EPHA4: variants seen among roughly 807,000 people sequenced by gnomAD.
EPHA4 encodes EPH receptor A4.
A neutral mutation model predicts 108.3 loss-of-function variants in EPHA4; 19 were observed. The observed-to-expected ratio is 0.18, with a 90% CI of 0.12 to 0.26. The LOEUF (loss-of-function observed/expected upper bound fraction) is 0.26. EPHA4 is among the 10% of genes least tolerant of loss of function. The pLI is 1.00. For missense variants in EPHA4, 917 were observed against 1,254.0 expected (o/e 0.73, Z 4.06); for synonymous variants, 449 against 455.5 (o/e 0.99, Z 0.18).
intron 3 of EPHA4, among the ~76,000 whole-genome samples, chr2:221,559,495 G>C (rs1694394596): frequency 6.6e-6 from 1 of 152,026 alleles, no homozygotes; most frequent in South Asian, 2.1e-4. Flanking sequence ...ATCACTTGAG[G>C]CCAGGAGTTC....
intron 5 of EPHA4, among the ~76,000 whole-genome samples, chr2:221,471,807 A>G (rs1014744992): frequency 6.6e-6 from 1 of 152,200 alleles, no homozygotes; most frequent in East Asian, 1.9e-4. Flanking sequence ...TCCACTGTTC[A>G]TGGCTACAAA....
At chr2:221,479,874 A>G (rs1032838330) in intron 5 of EPHA4, among the ~76,000 whole-genome samples, 2 of 152,092 alleles carry the variant, frequency 1.3e-5, no homozygotes, top group Admixed American at 1.3e-4. Flanking sequence ...TCCCAGCATT[A>G]CCCTTCATGA....
chr2:221,466,305 T>C (rs928271153), intron 5 of EPHA4, among the ~76,000 whole-genome samples: 3 of 152,230 alleles, frequency 2.0e-5, no homozygotes, highest in African/African-American at 7.2e-5. Flanking sequence ...CACTGAATTA[T>C]TAACTGCTTA....
intron 3 of EPHA4, among the ~76,000 whole-genome samples, chr2:221,529,240 T>C (rs563630289): frequency 5.9e-5 from 9 of 152,274 alleles, no homozygotes; most frequent in Non-Finnish European, 1.2e-4. Flanking sequence ...AAATTCCAGG[T>C]CTCCACAGGA....
intron 3 of EPHA4, chr2:221,501,375 A>G (rs1159787063): frequency 2.3e-6 from 1 of 438,626 alleles, no homozygotes; most frequent in African/African-American, 2.0e-5. Flanking sequence ...ATTCCTGGTC[A>G]GGTGTCAAGA....
chr2:221,534,643 G>A (rs554024119), intron 3 of EPHA4, among the ~76,000 whole-genome samples: 3 of 152,272 alleles, frequency 2.0e-5, no homozygotes, highest in South Asian at 4.1e-4. Context: ...TGTTAGCTCT[G>A]TCTAAAAGTC....
intron 4 of EPHA4, among the ~76,000 whole-genome samples, chr2:221,488,321 C>T (rs1692036606): frequency 6.6e-6 from 1 of 152,160 alleles, no homozygotes; most frequent in African/African-American, 2.4e-5. Flanking sequence ...ATCTAAAAAG[C>T]TCAGTCCAGG....
chr2:221,568,150 A>T (rs1694724942), intron 2 of EPHA4, among the ~76,000 whole-genome samples: 1 of 152,178 alleles, frequency 6.6e-6, no homozygotes, highest in South Asian at 2.1e-4. Flanking sequence ...TAAACTTTTC[A>T]TATTTAGCAC....
chr2:221,522,428 C>A (rs932262420), intron 3 of EPHA4, among the ~76,000 whole-genome samples: 11 of 152,128 alleles, frequency 7.2e-5, no homozygotes, highest in Non-Finnish European at 1.6e-4. Flanking sequence ...CACAATTAAT[C>A]AAAACTTAGC....
chr2:221,457,432 T>A (rs1230755596), intron 6 of EPHA4, among the ~76,000 whole-genome samples: 1 of 152,218 alleles, frequency 6.6e-6, no homozygotes, highest in Non-Finnish European at 1.5e-5. Flanking sequence ...TGAATAGCAG[T>A]GATCTACTTA....
intron 8 of EPHA4, among the ~76,000 whole-genome samples, chr2:221,447,567 C>G (rs1192824822): frequency 6.6e-6 from 1 of 152,176 alleles, no homozygotes; most frequent in Non-Finnish European, 1.5e-5. Context: ...CAATCAGACC[C>G]TCAGAGCCTA....
At chr2:221,439,541 A>G (rs62180566) in intron 11 of EPHA4, among the ~76,000 whole-genome samples, 37,762 of 151,028 alleles carry the variant, frequency 0.25, 4,818 homozygotes, top group African/African-American at 0.31. Flanking sequence ...AAGCTAGAGT[A>G]CAGTGACATG....
chr2:221,469,604 T>G (rs1691415022), intron 5 of EPHA4, among the ~76,000 whole-genome samples: 1 of 152,198 alleles, frequency 6.6e-6, no homozygotes, highest in Non-Finnish European at 1.5e-5. Context: ...TTACTCCGTC[T>G]TCATCACTAT....
At chr2:221,573,492 G>C (rs1272131705), upstream of EPHA4, 1 of 152,498 alleles carries the variant, frequency 6.6e-6, no homozygotes, top group Admixed American at 6.5e-5. The surrounding 1 kb of genome is among the most constrained non-coding windows in gnomAD (Gnocchi z 4.5). Context: ...ACGCCACTCG[G>C]TGCATTTCCC....
chr2:221,422,485 A>G (rs1689787609), intron 17 of EPHA4, among the ~76,000 whole-genome samples: 1 of 152,246 alleles, frequency 6.6e-6, no homozygotes, highest in Non-Finnish European at 1.5e-5. Context: ...ATCAATAGAT[A>G]TTACATAAAT....
intron 3 of EPHA4, among the ~76,000 whole-genome samples, chr2:221,528,939 G>A (rs1000149518): frequency 6.6e-6 from 1 of 151,938 alleles, no homozygotes; most frequent in Non-Finnish European, 1.5e-5. Flanking sequence ...GCATTTACAG[G>A]TCTCAAATAC....
chr2:221,446,731 C>T (rs913030365), intron 8 of EPHA4, among the ~76,000 whole-genome samples: 4 of 152,064 alleles, frequency 2.6e-5, no homozygotes, highest in Non-Finnish European at 4.4e-5. Flanking sequence ...AATACTTTTG[C>T]GGTCACTGGT....
intron 3 of EPHA4, among the ~76,000 whole-genome samples, chr2:221,552,232 A>C (rs939917782): frequency 1.3e-5 from 2 of 152,232 alleles, no homozygotes; most frequent in Non-Finnish European, 2.9e-5. Flanking sequence ...TACAAAATGG[A>C]GTGCCCTAAC....
intron 3 of EPHA4, chr2:221,502,705 G>A (rs956863522): frequency 3.2e-5 from 13 of 409,444 alleles, no homozygotes; most frequent in East Asian, 1.4e-4. Flanking sequence ...AATGGCAAGC[G>A]GAAAGGGAAT....
Sources: gnomAD v4.1 joint callset for allele counts (sites outside exome capture counted in the v4.1 genomes callset) on GRCh38, gnomAD v4.1.1 for gene constraint, Gnocchi (gnomAD v3.1) non-coding constraint, MANE v1.5 for transcripts, NCBI Gene and HGNC (gene_info 2026-07-23, HGNC 2026-07-21) for gene names.